Variants in RBM44 observed in about 807,000 individuals in gnomAD.
RBM44 encodes the protein RNA binding motif protein 44.
RBM44 carries 66 observed loss-of-function variants against 105.1 expected under a neutral mutation model. The observed-to-expected ratio is 0.63, with a 90% CI of 0.52 to 0.77. RBM44 has a LOEUF of 0.77. Among genes scored for constraint, RBM44 ranks in the 30% least tolerant of loss-of-function variants. The probability of loss-of-function intolerance (pLI) is 0.00; values close to 1 mark genes in which losing one functional copy is unlikely to be tolerated. For missense variants in RBM44, 1,122 were observed against 1,207.8 expected (o/e 0.93, Z 1.05); for synonymous variants, 365 against 417.6 (o/e 0.87, Z 1.54).
At chr2:237,809,161 A>G (rs888627695) in intron 1 of RBM44, among the ~76,000 whole-genome samples, 10 of 152,144 alleles carry the variant, frequency 6.6e-5, no homozygotes, top group African/African-American at 2.2e-4. Flanking sequence ...TAACTAGTCT[A>G]TATATTTTTT....
intron 15 of RBM44, among the ~76,000 whole-genome samples, chr2:237,836,672 C>T (rs2061962277): frequency 6.7e-6 from 1 of 150,210 alleles, no homozygotes; most frequent in South Asian, 2.1e-4. Context: ...CCCAGCTATT[C>T]GGGAGGCTGA....
Position 237,818,153 on chromosome 2 carries a change from A to G in RBM44, c.1234A>G (p.Met412Val), listed in dbSNP as rs763596061. 18 of 1,613,120 alleles carry G rather than the reference A, an allele frequency of 1.1e-5. No individual in the cohort carries two copies. Among genetic ancestry groups the G allele is most frequent in the East Asian group, 2.2e-5 (1 of 44,862 alleles). ...TGACTCAGCCTTAGATTTTTCTGCTATGCTACCAAAGATCGCAGTCAGAGA... is the reference window on the plus strand; with the variant it reads ...TGACTCAGCCTTAGATTTTTCTGCTGTGCTACCAAAGATCGCAGTCAGAGA... ...TADSALDFSA[M>V]LPKIAVRDNQ... Residue 412 changes from methionine to valine, a missense_variant, in exon 3 of 16, where the codon ATG becomes GTG. Transcript: ENST00000316997. This position sits in a 1 kb window ranked among gnomAD's most constrained non-coding sequence, Gnocchi z 4.6.
At chr2:237,821,598 C>T in intron 7 of RBM44, 145 bp from the exon 8 acceptor site, 1 of 697,786 alleles carries the variant, frequency 1.4e-6, no homozygotes, top group Non-Finnish European at 2.4e-6. Context: ...ATATCCATCA[C>T]CTTGTGTATT....
Position 237,818,774 on chromosome 2 carries a change from C to T in RBM44, c.1678-127C>T, listed in dbSNP as rs981506826. On this transcript the variant is annotated intron_variant, in intron 3 of 15. Transcript: ENST00000316997. The surrounding 1 kb of genome is among the most constrained non-coding windows in gnomAD (Gnocchi z 4.6). ...TAAAAAAAAAAGACGTGTAAATTAC[C>T]ACCAGTTCTATCCTCCTCTCCTGGC... The T allele has an allele frequency of 2.7e-5, 17 of 636,948 alleles. No homozygotes were observed. Among genetic ancestry groups the T allele is most frequent in the Admixed American group, 2.1e-4 (6 of 29,146 alleles). 39.5% of individuals were successfully genotyped at this position (636,948 alleles called of 1,614,324 possible). A position where few individuals can be genotyped will look rare whatever the true frequency, so the allele number is the denominator to read the frequency against.
intron 15 of RBM44, 22 bp downstream of exon 15, chr2:237,834,445 GTAT>G: frequency 8.1e-7 from 1 of 1,234,198 alleles, no homozygotes; most frequent in Non-Finnish European, 1.1e-6. Context: ...ATATTCTTTT[GTAT>G]TTGAATATTA....
intron 15 of RBM44, among the ~76,000 whole-genome samples, chr2:237,840,053 A>G (rs1576521123): frequency 6.6e-6 from 1 of 151,958 alleles, no homozygotes; most frequent in African/African-American, 2.4e-5. Context: ...GCCGAGCATG[A>G]TAGCACATAC....
chr2:237,812,234 A>G (rs1559908909), intron 1 of RBM44, among the ~76,000 whole-genome samples: 2 of 152,198 alleles, frequency 1.3e-5, no homozygotes, highest in Non-Finnish European at 2.9e-5. Context: ...TTTTAAAGTG[A>G]TCACTTCTGT....
chr2:237,829,415 C>T lies in RBM44; in HGVS notation c.2799C>T (p.His933=), dbSNP rs115557510. The change falls in exon 13 of 16, where the codon CAC becomes CAT. Residue 933 remains histidine (H), a synonymous_variant. Transcript: ENST00000316997. ...AGAAAAGCACCAACAAACAAATCCA[C>T]TCAGAATTCTCCATTTCTAGATTGC... ...NLEKSTNKQI[H]SEFSISRLPR... 103 of 1,613,752 alleles carry T rather than the reference C, an allele frequency of 6.4e-5. No homozygotes were observed. In the African/African-American group the frequency reaches 1.3e-3, roughly 20 times the overall value.
chr2:237,839,837 A>G (rs1481512210), intron 15 of RBM44, among the ~76,000 whole-genome samples: 2 of 152,196 alleles, frequency 1.3e-5, no homozygotes, highest in African/African-American at 2.4e-5. Flanking sequence ...CTATCAAAAG[A>G]GTGAAAAGGC....
chr2:237,821,848 A>C (rs758641327), intron 8 of RBM44, 21 bp downstream of exon 8: 2 of 1,448,144 alleles, frequency 1.4e-6, no homozygotes, highest in East Asian at 4.6e-5. Flanking sequence ...TTGAAAGTTC[A>C]TCAATGCAAA....
At chr2:237,801,253 T>C (rs1049528591) in intron 1 of RBM44, among the ~76,000 whole-genome samples, 7 of 152,114 alleles carry the variant, frequency 4.6e-5, no homozygotes, top group African/African-American at 1.7e-4. Context: ...CCCAGGGACG[T>C]TGAGACTGCT....
At chr2:237,800,097 C>T (rs761974729) in intron 1 of RBM44, among the ~76,000 whole-genome samples, 9 of 152,194 alleles carry the variant, frequency 5.9e-5, no homozygotes, top group Non-Finnish European at 1.0e-4. Context: ...ACATTCCCAT[C>T]GGCAATGGAT....
rs1372354892 is a variant in RBM44 at position 237,818,416 on chromosome 2, A to G, written c.1497A>G (p.Ile499Met). 1.2e-6 allele frequency: 2 copies of G among 1,613,194 alleles called. No homozygotes were observed. The highest frequency in any genetic ancestry group is 2.2e-5 in the South Asian group (2 of 91,028). ...SVVSTSSNTE[I>M]TMMNKKRPDE... ...TATCTACATCAAGCAACACAGAGAT[A>G]ACAATGATGAATAAAAAACGACCTG... Residue 499 changes from isoleucine to methionine, a missense_variant, in exon 3 of 16, where the codon ATA becomes ATG. Physicochemically the swap from Ile to Met is conservative, Grantham distance 10. Coordinates refer to ENST00000316997, the MANE Select transcript of RBM44 (RefSeq NM_001080504.3). The surrounding 1 kb of genome is among the most constrained non-coding windows in gnomAD (Gnocchi z 4.6).
chr2:237,825,842 G>T (rs2061842961), intron 10 of RBM44, among the ~76,000 whole-genome samples: 1 of 152,130 alleles, frequency 6.6e-6, no homozygotes, highest in South Asian at 2.1e-4. Flanking sequence ...AAATATAAAG[G>T]TAGGTGGTTT....
intron 1 of RBM44, among the ~76,000 whole-genome samples, chr2:237,806,918 T>G (rs1467537976): frequency 6.6e-6 from 1 of 152,234 alleles, no homozygotes; most frequent in African/African-American, 2.4e-5. Flanking sequence ...ACTGCCACAA[T>G]ATCTACTTTT....
chr2:237,839,940 A>G (rs965984729), intron 15 of RBM44, among the ~76,000 whole-genome samples: 2 of 152,220 alleles, frequency 1.3e-5, no homozygotes, highest in Non-Finnish European at 2.9e-5. Flanking sequence ...CACGCCAGTA[A>G]TCCCAACACT....
At position 237,803,611 on chromosome 2, in the gene RBM44, G is replaced by A. The variant is rs2061569038; in HGVS notation, c.-19+4750G>A. On this transcript the variant is annotated intron_variant, in intron 1 of 15. Coordinates refer to ENST00000316997, the MANE Select transcript of RBM44 (RefSeq NM_001080504.3). The surrounding 1 kb of genome is among the most constrained non-coding windows in gnomAD (Gnocchi z 4.2). ...CATTTTTTAAGTAATGTCTTTTGAT[G>A]AGGAAAAGTTTCTTAATTTTGCTGA... is the stretch of plus-strand genomic sequence containing the variant. Among the ~76,000 whole-genome samples the A allele has an allele frequency of 6.6e-6, 1 of 152,102 alleles. No homozygotes were observed. Among genetic ancestry groups the A allele is most frequent in the South Asian group, 2.1e-4 (1 of 4,826 alleles).
rs369048712 is a variant in RBM44 at position 237,817,660 on chromosome 2, C to T, written c.741C>T (p.Phe247=). The T allele has an allele frequency of 1.7e-5, 27 of 1,612,520 alleles. No individual in the cohort carries two copies. Among genetic ancestry groups the T allele is most frequent in the South Asian group, 3.3e-5 (3 of 91,026 alleles). ...VNSGSGSIIS[F]DSLDVYGQEE... The stretch of plus-strand genomic sequence containing the variant: ...CGGGAAGTGGTTCTATCATCTCTTT[C>T]GATTCACTTGATGTTTATGGACAAG... Residue 247 remains phenylalanine, a synonymous_variant, in exon 3 of 16, where the codon TTC becomes TTT. Coordinates refer to ENST00000316997, the MANE Select transcript of RBM44 (RefSeq NM_001080504.3).
rs1305167264 is a variant in RBM44, at chr2:237,817,021, T to C, written c.102T>C (p.Asn34=). ...KDKPSNPKKE[N]LLLSSNGCDE... Reference sequence around the variant, plus strand: ...AACCTTCAAATCCAAAGAAAGAAAATTTGTTATTATCCTCCAATGGTTGTG... The same window carrying C: ...AACCTTCAAATCCAAAGAAAGAAAACTTGTTATTATCCTCCAATGGTTGTG... Residue 34 remains asparagine, a synonymous_variant, in exon 3 of 16, where the codon AAT becomes AAC. Transcript: ENST00000316997. 10 of 1,545,330 alleles carry C rather than the reference T, an allele frequency of 6.5e-6. No individual in the cohort carries two copies. The highest frequency in any genetic ancestry group is 8.7e-6 in the Non-Finnish European group (10 of 1,149,508).
Sources: allele counts gnomAD v4.1 joint callset (sites outside exome capture counted in the v4.1 genomes callset), GRCh38; gene constraint gnomAD v4.1.1; non-coding constraint Gnocchi (gnomAD v3.1); transcripts MANE v1.5; gene names NCBI Gene and HGNC (gene_info 2026-07-23, HGNC 2026-07-21).